DLC1: variants seen among roughly 807,000 people sequenced by gnomAD.
DLC1 encodes DLC1 Rho GTPase activating protein, also known as rho GTPase-activating protein 7.
In DLC1, 54 loss-of-function variants were observed where a neutral mutation model predicts 140.3. The ratio of observed to expected loss-of-function variants is 0.38; its 90% CI spans 0.31 to 0.48. DLC1 has a LOEUF of 0.48. Ranked by LOEUF, DLC1 falls within the 20% of genes least tolerant of loss-of-function variation. DLC1 has a pLI of 0.96. For missense variants in DLC1, 2,536 were observed against 1,907.0 expected, an observed-to-expected ratio of 1.33 and a Z score of -6.14; for synonymous variants, 986 against 728.1, an observed-to-expected ratio of 1.35 and a Z score of -5.70.
chr8:13,324,681 A>G (rs1378471805), intron 4 of DLC1, among the ~76,000 whole-genome samples: 1 of 152,108 alleles, frequency 6.6e-6, no homozygotes, highest in Admixed American at 6.5e-5. Context: ...TCCAAATTCA[A>G]TATAAACCAT....
At chr8:13,172,567 A>T (rs1039139774) in intron 5 of DLC1, among the ~76,000 whole-genome samples, 3 of 152,250 alleles carry the variant, frequency 2.0e-5, no homozygotes, top group Non-Finnish European at 4.4e-5. Context: ...TAATGCTGCA[A>T]TTCAGACTCA....
chr8:13,092,542 C>G, intron 13 of DLC1, 70 bp downstream of exon 13: 1 of 1,525,246 alleles, frequency 6.6e-7, no homozygotes. Flanking sequence ...CACAAAACCA[C>G]AGCTACGGAG....
At chr8:13,237,368 C>T (rs1829335902) in intron 5 of DLC1, among the ~76,000 whole-genome samples, 1 of 150,446 alleles carries the variant, frequency 6.6e-6, no homozygotes, top group African/African-American at 2.4e-5. Flanking sequence ...ATACACACAC[C>T]ACACACACAG....
intron 4 of DLC1, among the ~76,000 whole-genome samples, chr8:13,313,471 A>C (rs1175858489): frequency 6.6e-6 from 1 of 152,154 alleles, no homozygotes; most frequent in Non-Finnish European, 1.5e-5. Context: ...GAACTCTCTG[A>C]GCTCAGTGAG....
intron 2 of DLC1, 130 bp from the exon 3 acceptor site, chr8:13,401,749 C>T (rs979646748): frequency 1.4e-5 from 16 of 1,164,496 alleles, no homozygotes; most frequent in Non-Finnish European, 1.9e-5. Flanking sequence ...AGAGAAGTTC[C>T]ATTCTGTATC....
chr8:13,336,717 C>T (rs1833823496), intron 4 of DLC1, among the ~76,000 whole-genome samples: 1 of 152,126 alleles, frequency 6.6e-6, no homozygotes, highest in South Asian at 2.1e-4. Context: ...AAGAACAGTA[C>T]ATGTAGGGTT....
chr8:13,342,792 TTCTC>T (rs1273506068), intron 4 of DLC1: 1 of 151,308 alleles, frequency 6.6e-6, no homozygotes, highest in Admixed American at 6.6e-5. Context: ...TCGGTTCTGT[TTCTC>T]TCTCTCTCGC....
intron 5 of DLC1, among the ~76,000 whole-genome samples, chr8:13,228,887 A>G (rs889902930): frequency 6.6e-6 from 1 of 152,236 alleles, no homozygotes; most frequent in African/African-American, 2.4e-5. Flanking sequence ...CTGCAAACAG[A>G]TGCCACTTGA....
chr8:13,428,236 C>T (rs577802366), intron 2 of DLC1, among the ~76,000 whole-genome samples: 50 of 152,178 alleles, frequency 3.3e-4, no homozygotes, highest in Non-Finnish European at 5.3e-4. Flanking sequence ...TGGCAAGAGA[C>T]GCTGTGTGCC....
At chr8:13,239,888 G>T (rs1037207161) in intron 5 of DLC1, among the ~76,000 whole-genome samples, 1 of 152,224 alleles carries the variant, frequency 6.6e-6, no homozygotes, top group Admixed American at 6.5e-5. Context: ...AGGGAAAGCA[G>T]AATTTGGGAG....
rs536055316 is a variant in DLC1 at position 13,366,517 on chromosome 8, C to T, written c.1314+27036G>A. On this transcript the variant is annotated intron_variant, in intron 4 of 17. Coordinates refer to ENST00000276297, the MANE Select transcript of DLC1 (RefSeq NM_182643.3). ...TAAATAAACCCAACAAGTTAAAGCCCCACAGCAAATTAACAGAAAAGCTGG... is the reference window on the plus strand; with the variant it reads ...TAAATAAACCCAACAAGTTAAAGCCTCACAGCAAATTAACAGAAAAGCTGG... Among the ~76,000 whole-genome samples, 8 of 152,200 alleles carry T rather than the reference C, an allele frequency of 5.3e-5. No homozygotes were observed. The East Asian group carries it at 1.4e-3, about 26-fold the overall frequency.
At chr8:13,105,811 C>T (rs971418546) in intron 7 of DLC1, among the ~76,000 whole-genome samples, 2 of 152,136 alleles carry the variant, frequency 1.3e-5, no homozygotes, top group African/African-American at 4.8e-5. Context: ...CTCCTGAGCT[C>T]AGGCAATCCG....
rs182299274 is a variant in DLC1, at chr8:13,442,917, T to C, written c.1024-41298A>G. On this transcript the variant is annotated intron_variant, in intron 2 of 17. Coordinates refer to ENST00000276297, the MANE Select transcript of DLC1 (RefSeq NM_182643.3). The stretch of plus-strand genomic sequence containing the variant: ...GACACATGCACGCATATGTTTATTG[T>C]GGCAGTATTCACAATAGCAAAGACT... 3.2e-3 allele frequency among the ~76,000 whole-genome samples: 480 copies of C among 152,256 alleles called. 10 individuals carry two copies. The South Asian group carries it at 0.058, about 19-fold the overall frequency.
At chr8:13,088,139 G>A (rs1209283850) in intron 16 of DLC1, among the ~76,000 whole-genome samples, 1 of 152,258 alleles carries the variant, frequency 6.6e-6, no homozygotes, top group African/African-American at 2.4e-5. Flanking sequence ...GCGGTACAGT[G>A]GCATGCTCAC....
At chr8:13,202,238 C>T (rs112076177) in intron 5 of DLC1, among the ~76,000 whole-genome samples, 15 of 152,208 alleles carry the variant, frequency 9.9e-5, no homozygotes, top group African/African-American at 3.6e-4. Context: ...GCCGCTGTGC[C>T]AGGCCTCAAT....
At chr8:13,185,960 A>C (rs1018781663) in intron 5 of DLC1, among the ~76,000 whole-genome samples, 9 of 152,218 alleles carry the variant, frequency 5.9e-5, no homozygotes, top group Admixed American at 5.2e-4. Flanking sequence ...TTCTTTAAGA[A>C]TGTTGAATAT....
intron 5 of DLC1, among the ~76,000 whole-genome samples, chr8:13,128,806 G>A (rs1821818504): frequency 6.7e-6 from 1 of 149,350 alleles, no homozygotes; most frequent in Non-Finnish European, 1.5e-5. Context: ...CTGCACTCCA[G>A]CCTGGGCGAC....
At chr8:13,203,816 T>C (rs1827520081) in intron 5 of DLC1, among the ~76,000 whole-genome samples, 1 of 152,236 alleles carries the variant, frequency 6.6e-6, no homozygotes, top group South Asian at 2.1e-4. Context: ...ACAGAATGGA[T>C]GGAAAATACC....
chr8:13,354,234 C>T (rs941046063), intron 4 of DLC1, among the ~76,000 whole-genome samples: 16 of 152,098 alleles, frequency 1.1e-4, no homozygotes, highest in Non-Finnish European at 2.4e-4. Context: ...TCTAGGAAGC[C>T]TTTCATGGCC....
Sources: allele counts gnomAD v4.1 joint callset (sites outside exome capture counted in the v4.1 genomes callset), GRCh38; gene constraint gnomAD v4.1.1; transcripts MANE v1.5; gene names NCBI Gene and HGNC (gene_info 2026-07-23, HGNC 2026-07-21).